RDX: variants seen among roughly 807,000 people sequenced by gnomAD.
RDX encodes radixin.
A neutral mutation model predicts 83.7 loss-of-function variants in RDX; 32 were observed. The ratio of observed to expected loss-of-function variants is 0.38; its 90% CI spans 0.29 to 0.51. RDX has a LOEUF of 0.51. Ranked by LOEUF, RDX falls within the 20% of genes least tolerant of loss-of-function variation. RDX has a pLI of 0.87. For missense variants in RDX, 600 were observed against 689.9 expected (o/e 0.87, Z 1.46); for synonymous variants, 229 against 222.7 (o/e 1.03, Z -0.25).
At chr11:110,286,151 T>C (rs1860971050) in intron 1 of RDX, among the ~76,000 whole-genome samples, 1 of 152,188 alleles carries the variant, frequency 6.6e-6, no homozygotes, top group African/African-American at 2.4e-5. Context: ...TTAAAAGTGG[T>C]CTTGCCCTGC....
intron 14 of RDX, among the ~76,000 whole-genome samples, chr11:110,210,443 A>G (rs1177736075): frequency 7.0e-6 from 1 of 143,320 alleles, no homozygotes; most frequent in East Asian, 2.1e-4. Flanking sequence ...GAACTTCCCC[A>G]ATCTAGCAAG....
At chr11:110,265,513 T>C (rs1047528110) in intron 3 of RDX, among the ~76,000 whole-genome samples, 6 of 151,498 alleles carry the variant, frequency 4.0e-5, no homozygotes, top group African/African-American at 1.5e-4. Context: ...TATATATATA[T>C]ATATATAGTT....
intron 15 of RDX, among the ~76,000 whole-genome samples, chr11:110,186,393 T>G (rs1862987310): frequency 6.6e-6 from 1 of 152,128 alleles, no homozygotes; most frequent in African/African-American, 2.4e-5. Context: ...TCTTAATGCA[T>G]TTTTTGGTAT....
Position 110,233,349 on chromosome 11 carries a change from T to C in RDX, c.1475A>G (p.Asn492Ser). The change falls in exon 13 of 14, where the codon AAT (asparagine) becomes AGT (serine). Residue 492 changes from asparagine (N) to serine (S), a missense_variant. Transcript: ENST00000645495. ...TAATTCAGCACTAGCTTCAGCATTA[T>C]TCTCATCGTGTTCATCATGTTCGTT... is the stretch of plus-strand genomic sequence containing the variant. ...TENEHDEHDENNAEASAELSN... is the reference protein window; with the variant it reads ...TENEHDEHDESNAEASAELSN... The C allele has an allele frequency of 6.2e-7, 1 of 1,614,200 alleles. No homozygotes were observed. Among genetic ancestry groups the C allele is most frequent in the Non-Finnish European group, 8.5e-7 (1 of 1,180,034 alleles).
At chr11:110,292,494 A>G (rs759139926) in intron 1 of RDX, among the ~76,000 whole-genome samples, 25 of 152,124 alleles carry the variant, frequency 1.6e-4, no homozygotes, top group Middle Eastern at 3.2e-3. Context: ...GAAAAAAATG[A>G]CATTAAATTT....
chr11:110,235,886 C>T (rs1037349481), intron 12 of RDX, among the ~76,000 whole-genome samples: 2 of 152,178 alleles, frequency 1.3e-5, no homozygotes, highest in African/African-American at 2.4e-5. Flanking sequence ...ATGGGTCTCC[C>T]GACAACTCTC....
intron 14 of RDX, among the ~76,000 whole-genome samples, chr11:110,203,389 TGGGAGGTGAG>T (rs1863484346): frequency 6.8e-6 from 1 of 147,382 alleles, no homozygotes; most frequent in African/African-American, 2.5e-5. Context: ...AGCAGGAGGT[TGGGAGGTGAG>T]AATTGTTAAT....
At chr11:110,271,806 GT>G (rs1860322137) in intron 3 of RDX, among the ~76,000 whole-genome samples, 1 of 152,074 alleles carries the variant, frequency 6.6e-6, no homozygotes, top group African/African-American at 2.4e-5. Flanking sequence ...ACACCAAATT[GT>G]TGTTAGGGAT....
At chr11:110,243,863 T>A (rs1865197566) in intron 10 of RDX, among the ~76,000 whole-genome samples, 1 of 152,066 alleles carries the variant, frequency 6.6e-6, no homozygotes, top group African/African-American at 2.4e-5. Context: ...AAGACAAACA[T>A]TAACAAGTAT....
Position 110,231,750 on chromosome 11 carries a change from C to G in RDX, c.*119G>C. ...CCTTAAATTTGTCTTTTAGCTAGCA[C>G]AGTCAAACTGGTGTAAGTGCTTTGG... On this transcript the variant is annotated 3_prime_UTR_variant, in exon 14 of 14. Transcript: ENST00000645495. The G allele has an allele frequency of 4.6e-6, 5 of 1,080,126 alleles. No individual in the cohort carries two copies. Among genetic ancestry groups the G allele is most frequent in the Non-Finnish European group, 7.1e-6 (5 of 705,456 alleles). The allele number at this position is 1,080,126 out of a possible 1,614,324, so 66.9% of individuals were successfully genotyped here. A position where few individuals can be genotyped will look rare whatever the true frequency, so the allele number is the denominator to read the frequency against.
chr11:110,188,977 T>G lies in RDX; in HGVS notation c.*31+10604A>C, dbSNP rs189981650. Among the ~76,000 whole-genome samples the G allele has an allele frequency of 7.2e-3, 1,095 of 152,100 alleles. 20 individuals are homozygous for G. Among genetic ancestry groups the G allele is most frequent in the African/African-American group, 0.024 (976 of 41,510 alleles). Reference sequence around the variant, plus strand: ...AAATAGCTAGCTAATAACTTCACGATAGGATCCAAACCTCACATATCAACG... The same window carrying G: ...AAATAGCTAGCTAATAACTTCACGAGAGGATCCAAACCTCACATATCAACG... On this transcript the variant is annotated intron_variant, in intron 15 of 15. Coordinates refer to the RDX transcript ENST00000528498.
intron 1 of RDX, among the ~76,000 whole-genome samples, chr11:110,283,716 AAAAC>A (rs561934074): frequency 2.0e-5 from 3 of 152,162 alleles, no homozygotes; most frequent in Non-Finnish European, 4.4e-5. Context: ...AAAATAATCT[AAAAC>A]AAACAAACAA....
At chr11:110,217,027 G>A (rs1312252186) in intron 14 of RDX, among the ~76,000 whole-genome samples, 5 of 152,118 alleles carry the variant, frequency 3.3e-5, no homozygotes, top group Admixed American at 6.5e-5. Context: ...GACTCCTGAC[G>A]AGACACAGTC....
At chr11:110,235,224 C>A (rs962852839) in intron 12 of RDX, among the ~76,000 whole-genome samples, 9 of 152,200 alleles carry the variant, frequency 5.9e-5, no homozygotes, top group African/African-American at 2.2e-4. Flanking sequence ...CCTGTAGTCT[C>A]GGCTACTGCA....
chr11:110,224,913 C>G (rs1483311872), downstream of RDX, among the ~76,000 whole-genome samples: 2 of 152,248 alleles, frequency 1.3e-5, no homozygotes, highest in East Asian at 3.9e-4. Context: ...TTTTCTTTTT[C>G]AAGCAAGGTT....
At chr11:110,271,458 C>CTT (rs1860308731) in intron 3 of RDX, among the ~76,000 whole-genome samples, 1 of 152,174 alleles carries the variant, frequency 6.6e-6, no homozygotes, top group African/African-American at 2.4e-5. Context: ...CCACCTTCCT[C>CTT]TGTCTTTGCA....
At chr11:110,193,685 T>G (rs1863147080) in intron 15 of RDX, among the ~76,000 whole-genome samples, 1 of 152,142 alleles carries the variant, frequency 6.6e-6, no homozygotes, top group African/African-American at 2.4e-5. Context: ...AATCATTTAG[T>G]CCAAACACCT....
chr11:110,191,073 C>G (rs1177046459), intron 15 of RDX, among the ~76,000 whole-genome samples: 4 of 152,088 alleles, frequency 2.6e-5, no homozygotes, highest in Non-Finnish European at 5.9e-5. Context: ...AAGAGGGAAT[C>G]CCCCCTAACT....
At chr11:110,270,594 T>C (rs1860263580) in intron 3 of RDX, among the ~76,000 whole-genome samples, 1 of 152,210 alleles carries the variant, frequency 6.6e-6, no homozygotes, top group African/African-American at 2.4e-5. Context: ...GAAGAAGTAA[T>C]GTTACCATCA....
Sources: gnomAD v4.1 joint callset for allele counts (sites outside exome capture counted in the v4.1 genomes callset) on GRCh38, gnomAD v4.1.1 for gene constraint, MANE v1.5 for transcripts, NCBI Gene and HGNC (gene_info 2026-07-23, HGNC 2026-07-21) for gene names.